CHMP4A: variants seen among roughly 807,000 people sequenced by gnomAD.
The protein encoded by CHMP4A is charged multivesicular body protein 4A.
Under a neutral mutation model 28.2 loss-of-function variants are expected in CHMP4A, and 29 were observed. The ratio of observed to expected loss-of-function variants is 1.03; its 90% confidence interval spans 0.77 to 1.40. CHMP4A has a LOEUF of 1.40. CHMP4A is among the 40% of genes most tolerant of loss of function. The pLI, the probability that CHMP4A is intolerant of heterozygous loss-of-function variation, is 0.00. For missense variants in CHMP4A, 241 were observed against 263.5 expected (o/e 0.91, Z 0.59); for synonymous variants, 88 against 99.3 (o/e 0.89, Z 0.67).
chr14:24,211,198 A>T, intron 3 of CHMP4A: 1 of 514,372 alleles, frequency 1.9e-6, no homozygotes. Flanking sequence ...AACAAAACAA[A>T]ACAAAACAAA....
intron 5 of CHMP4A, 47 bp from the exon 6 acceptor site, chr14:24,209,982 G>A (rs1221963424): frequency 2.6e-6 from 4 of 1,554,250 alleles, no homozygotes; most frequent in Middle Eastern, 1.7e-4. Context: ...AAGCAGTAAG[G>A]TCTCAGCAAC....
chr14:24,213,054 T>A (rs2039611411), intron 1 of CHMP4A: 1 of 259,574 alleles, frequency 3.9e-6, no homozygotes, highest in African/African-American at 2.3e-5. Flanking sequence ...CACAAAGTAT[T>A]ATAGAACAAG....
Position 24,213,415 on chromosome 14 carries a change from C to G in CHMP4A, c.25G>C (p.Gly9Arg). Residue 9 changes from glycine (G) to arginine (R), a missense_variant, in exon 1 of 6, where the codon GGG (glycine) becomes CGG (arginine). By Grantham distance (125) the Gly-to-Arg change is moderately radical. Coordinates refer to ENST00000347519, the MANE Select transcript of CHMP4A (RefSeq NM_014169.5). The part of the protein sequence containing the change: MSGLGRLF[G>R]KGKKEKGPTP... The stretch of plus-strand genomic sequence containing the variant: ...CAGTCCCACCCTGGCTCACCCTTCC[C>G]GAAGAGCCTGCCGAGACCACTCATC... 2 of 1,603,746 alleles carry G rather than the reference C, an allele frequency of 1.2e-6. No homozygotes were observed. Among genetic ancestry groups the G allele is most frequent in the Non-Finnish European group, 8.5e-7 (1 of 1,176,952 alleles).
chr14:24,213,318 C>A, intron 1 of CHMP4A, 91 bp downstream of exon 1: 1 of 1,397,096 alleles, frequency 7.2e-7, no homozygotes, highest in Non-Finnish European at 9.4e-7. Flanking sequence ...TTCCCCTGCC[C>A]GGCGCAGCGG....
At position 24,210,758 on chromosome 14, in the gene CHMP4A, T is replaced by C; in HGVS notation, c.370A>G (p.Lys124Glu). 6.2e-7 allele frequency: 1 copy of C among 1,613,144 alleles called. No homozygotes were observed. Among genetic ancestry groups the C allele is most frequent in the Non-Finnish European group, 8.5e-7 (1 of 1,179,082 alleles). ...ATGTCAGTCATCAGTTCATCTACCT[T>C]GTCAATGTCCCTGAGAATGAGATAG... ...KKAYQDMDID[K>E]VDELMTDITE... Residue 124 changes from lysine to glutamate, a missense_variant, in exon 4 of 6, where the codon AAG becomes GAG. Lys to Glu is a moderately conservative substitution (Grantham distance 56). Transcript: ENST00000347519.
Position 24,211,580 on chromosome 14 carries a change from G to T in CHMP4A, c.194C>A (p.Ala65Asp). 1 of 1,612,182 alleles carries T rather than the reference G, an allele frequency of 6.2e-7. No individual in the cohort carries two copies. The highest frequency in any genetic ancestry group is 8.5e-7 in the Non-Finnish European group (1 of 1,178,320). Residue 65 changes from alanine to aspartate, a missense_variant, in exon 3 of 6, where the codon GCT becomes GAT. Transcript: ENST00000347519. ...TTCGAATCTTTTCTTCCTCCGCAAA[G>T]CCTGTAGGGCAGCTGACCCAGCCCA... ...GTKNKRAALQ[A>D]LRRKKRFEQQ...
intron 3 of CHMP4A, 27 bp downstream of exon 3, chr14:24,211,388 C>T: frequency 6.3e-7 from 1 of 1,575,520 alleles, no homozygotes; most frequent in Non-Finnish European, 8.7e-7. Context: ...GTGCCTGGGT[C>T]CCCTCCACCC....
At chr14:24,210,606 C>A in intron 4 of CHMP4A, 48 bp downstream of exon 4, 1 of 1,592,452 alleles carries the variant, frequency 6.3e-7, no homozygotes, top group Non-Finnish European at 8.6e-7. Flanking sequence ...TCCTTCTGGC[C>A]AGTCCCATAC....
rs1244524155 is a variant in CHMP4A at position 24,210,352 on chromosome 14, C to T, written c.606G>A (p.Gly202=). The T allele has an allele frequency of 6.2e-7, 1 of 1,613,756 alleles. No homozygotes were observed. The highest frequency in any genetic ancestry group is 8.5e-7 in the Non-Finnish European group (1 of 1,179,852). ...CAACAGAACAACCCTGCATACCTGG[C>T]CCTGCCGGCAGATGAGTAGAAGGTA... The part of the protein sequence containing the change: ...PSVPSTHLPA[G]PAPKVDEDEE... The change falls in exon 5 of 6, where the codon GGG becomes GGA. Residue 202 remains glycine, a synonymous_variant. Coordinates refer to ENST00000347519, the MANE Select transcript of CHMP4A (RefSeq NM_014169.5).
chr14:24,213,064 G>A lies in CHMP4A; in HGVS notation c.31+345C>T, dbSNP rs571817320. The stretch of plus-strand genomic sequence containing the variant: ...CCCAGCACAAAGTATTATAGAACAA[G>A]GTTTTGAAAATGGCTGAAGACAGCA... On this transcript the variant is annotated intron_variant, in intron 1 of 5. Coordinates refer to ENST00000347519, the MANE Select transcript of CHMP4A (RefSeq NM_014169.5). 1.4e-5 allele frequency: 4 copies of A among 285,148 alleles called. No homozygotes were observed. In the Admixed American group the frequency reaches 2.2e-4, roughly 16 times the overall value. 17.7% of individuals were successfully genotyped at this position (285,148 alleles called of 1,614,324 possible).
Position 24,211,397 on chromosome 14 carries a change from C to G in CHMP4A, c.359+18G>C, listed in dbSNP as rs746466932. 1 of 1,585,508 alleles carries G rather than the reference C, an allele frequency of 6.3e-7. No individual in the cohort carries two copies. The highest frequency in any genetic ancestry group is 8.6e-7 in the Non-Finnish European group (1 of 1,158,986). On this transcript the variant is annotated intron_variant, in intron 3 of 5. Transcript: ENST00000347519. Reference sequence around the variant, plus strand: ...TTCCCAGTGCCTGGGTCCCCTCCACCCCTCCCCCCGTACCCACATGTCCTG... The same window carrying G: ...TTCCCAGTGCCTGGGTCCCCTCCACGCCTCCCCCCGTACCCACATGTCCTG...
chr14:24,210,077 G>C, intron 5 of CHMP4A, 142 bp from the exon 6 acceptor site: 1 of 872,142 alleles, frequency 1.1e-6, no homozygotes, highest in Non-Finnish European at 1.9e-6. Flanking sequence ...CCTTCTGCTT[G>C]CTAGGCTGCT....
intron 4 of CHMP4A, 68 bp from the exon 5 acceptor site, chr14:24,210,551 T>G: frequency 6.2e-7 from 1 of 1,601,072 alleles, no homozygotes; most frequent in African/African-American, 1.3e-5. Flanking sequence ...CATACCACTT[T>G]TGAAGTTCCC....
At chr14:24,213,160 C>T (rs756961640) in intron 1 of CHMP4A, 21 of 507,362 alleles carry the variant, frequency 4.1e-5, no homozygotes, top group Non-Finnish European at 6.9e-5. Context: ...AGTCCCCTCC[C>T]AGATCTTGAG....
rs575738905 is a variant in CHMP4A at position 24,211,557 on chromosome 14, C to T, written c.217G>A (p.Glu73Lys). 1.7e-5 allele frequency: 28 copies of T among 1,613,648 alleles called. No homozygotes were observed. Among genetic ancestry groups the T allele is most frequent in the Admixed American group, 3.3e-5 (2 of 60,012 alleles). Residue 73 changes from glutamate (E) to lysine (K), a missense_variant, in exon 3 of 6, where the codon GAA (glutamate) becomes AAA (lysine). Transcript: ENST00000347519. ...CCGTCAGTTTGTGCCAGCTGCTGTT[C>T]GAATCTTTTCTTCCTCCGCAAAGCC... is the stretch of plus-strand genomic sequence containing the variant. ...LQALRRKKRF[E>K]QQLAQTDGTL...
In CHMP4A at chr14:24,211,732, C is replaced by T; in HGVS notation, c.129G>A (p.Lys43=). ...LIKKQEFLEQ[K]IQQELQTAKK... is the part of the protein sequence containing the mutation. The stretch of plus-strand genomic sequence containing the variant: ...TGGCTGTTTGTAGCTCCTGTTGAAT[C>T]TTCTGCTCCAAAAATTCCTGTTTCT... The change falls in exon 2 of 6, where the codon AAG becomes AAA. Residue 43 remains lysine (K), a synonymous_variant. Transcript: ENST00000347519. 1 of 1,614,208 alleles carries T rather than the reference C, an allele frequency of 6.2e-7. No individual in the cohort carries two copies. The highest frequency in any genetic ancestry group is 8.5e-7 in the Non-Finnish European group (1 of 1,180,040).
In CHMP4A at chr14:24,211,728, G is replaced by C; in HGVS notation, c.133C>G (p.Gln45Glu). ...KKQEFLEQKI[Q>E]QELQTAKKYG... ...TTCTTGGCTGTTTGTAGCTCCTGTT[G>C]AATCTTCTGCTCCAAAAATTCCTGT... Residue 45 changes from glutamine (Q) to glutamate (E), a missense_variant, in exon 2 of 6, where the codon CAA (glutamine) becomes GAA (glutamate). Gln to Glu is a conservative substitution (Grantham distance 29, BLOSUM62 2). Coordinates refer to ENST00000347519, the MANE Select transcript of CHMP4A (RefSeq NM_014169.5). 2 of 1,614,088 alleles carry C rather than the reference G, an allele frequency of 1.2e-6. No individual in the cohort carries two copies. The highest frequency in any genetic ancestry group is 2.2e-5 in the East Asian group (1 of 44,878).
In CHMP4A at chr14:24,210,398, G is replaced by A; in HGVS notation, c.560C>T (p.Pro187Leu). 1 of 1,614,058 alleles carries A rather than the reference G, an allele frequency of 6.2e-7. No individual in the cohort carries two copies. The highest frequency in any genetic ancestry group is 1.1e-5 in the South Asian group (1 of 91,074). ...AGGTACACTAGGCAATTTGACTGAG[G>A]GTTCTTCTTCCTTGTCGCCCACATT... ...LLNVGDKEEE[P>L]SVKLPSVPST... The change falls in exon 5 of 6, where the codon CCC (proline) becomes CTC (leucine). Residue 187 changes from proline (P) to leucine (L), a missense_variant. Coordinates refer to ENST00000347519, the MANE Select transcript of CHMP4A (RefSeq NM_014169.5).
chr14:24,211,596 A>G lies in CHMP4A; in HGVS notation c.182-4T>C, dbSNP rs779239834. The stretch of plus-strand genomic sequence containing the variant: ...CTCCGCAAAGCCTGTAGGGCAGCTG[A>G]CCCAGCCCATACCCTGAACATCAAG... On this transcript the variant is annotated splice_region_variant and splice_polypyrimidine_tract_variant and intron_variant, in intron 2 of 5. Coordinates refer to ENST00000347519, the MANE Select transcript of CHMP4A (RefSeq NM_014169.5). The G allele has an allele frequency of 6.2e-7, 1 of 1,611,364 alleles. No individual in the cohort carries two copies. Among genetic ancestry groups the G allele is most frequent in the Non-Finnish European group, 8.5e-7 (1 of 1,177,572 alleles).
Sources: gnomAD v4.1 joint callset for allele counts on GRCh38, gnomAD v4.1.1 for gene constraint, MANE v1.5 for transcripts, NCBI Gene and HGNC (gene_info 2026-07-23, HGNC 2026-07-21) for gene names.